MON1B: variants seen among roughly 807,000 people sequenced by gnomAD.
MON1B encodes the protein vacuolar fusion protein MON1 homolog B.
A neutral mutation model predicts 45.1 loss-of-function variants in MON1B; 26 were observed. That is an observed-to-expected ratio of 0.58 (90% CI 0.42 to 0.80). The LOEUF (loss-of-function observed/expected upper bound fraction) is 0.80. MON1B is among the 30% of genes least tolerant of loss of function. MON1B has a pLI of 0.00. For synonymous variants in MON1B, 395 were observed against 320.2 expected (o/e 1.23, Z -2.49); for missense variants, 737 against 754.5 (o/e 0.98, Z 0.27).
rs560375683 is a variant in MON1B at position 77,202,258 on chromosome 16, G to C, written c.*3950G>C. The C allele has an allele frequency of 2.0e-5, 3 of 152,252 alleles. No homozygotes were observed. The East Asian group carries it at 5.8e-4, about 29-fold the overall frequency. The allele number at this position is 152,252 out of a possible 1,614,324, so 9.4% of individuals were successfully genotyped here. A position where few individuals can be genotyped will look rare whatever the true frequency, so the allele number is the denominator to read the frequency against. ...ACACTGGAATAGTAAGGAGTAGTGG[G>C]TCAAGATGTCTGCAACTTATTGTTC... On this transcript the variant is annotated 3_prime_UTR_variant, in exon 6 of 6. Transcript: ENST00000248248.
At chr16:77,195,286 T>G in intron 4 of MON1B, 132 bp downstream of exon 4, 2 of 1,055,984 alleles carry the variant, frequency 1.9e-6, no homozygotes, top group Non-Finnish European at 2.7e-6. Flanking sequence ...CAAGTCTCTG[T>G]CTGATGATGG....
In MON1B at chr16:77,191,545, C is replaced by T; in HGVS notation, c.60C>T (p.Asp20=). Residue 20 remains aspartate (D), a synonymous_variant, in exon 2 of 6, where the codon GAC becomes GAT. Transcript: ENST00000248248. Reference sequence around the variant, plus strand: ...CCGGGGGCGCGGAGGACTTGGAGGACACGCAGTTCCCCAGTGAGGAAGCTA... The same window carrying T: ...CCGGGGGCGCGGAGGACTTGGAGGATACGCAGTTCCCCAGTGAGGAAGCTA... The part of the protein sequence containing the change: ...PAPGGAEDLE[D]TQFPSEEARE... 2 of 1,609,010 alleles carry T rather than the reference C, an allele frequency of 1.2e-6. No individual in the cohort carries two copies. The highest frequency in any genetic ancestry group is 2.2e-5 in the East Asian group (1 of 44,798).
chr16:77,191,412 C>T, intron 1 of MON1B, 64 bp from the exon 2 acceptor site: 1 of 1,579,682 alleles, frequency 6.3e-7, no homozygotes, highest in Non-Finnish European at 8.6e-7. Context: ...GGGGGCCTGA[C>T]TCTATAAAGG....
At position 77,199,270 on chromosome 16, in the gene MON1B, A is replaced by G. The variant is rs2054701455; in HGVS notation, c.*962A>G. On this transcript the variant is annotated 3_prime_UTR_variant, in exon 6 of 6. Coordinates refer to ENST00000248248, the MANE Select transcript of MON1B (RefSeq NM_014940.4). ...TGTGGAGTTACAGCCTCAAGGTTGT[A>G]GCATGTGTGCTGGCAATCAGGGCCG... 1 of 606,076 alleles carries G rather than the reference A, an allele frequency of 1.6e-6. No homozygotes were observed. Among genetic ancestry groups the G allele is most frequent in the South Asian group, 2.1e-5 (1 of 47,756 alleles). The allele number at this position is 606,076 out of a possible 1,614,324, so 37.5% of individuals were successfully genotyped here. A position where few individuals can be genotyped will look rare whatever the true frequency, so the allele number is the denominator to read the frequency against.
Position 77,199,348 on chromosome 16 carries a change from A to G in MON1B, c.*1040A>G. ...GACTCCTGATTTAACCGCTGGCGTA[A>G]CCGCGGGTTGCACGCATGCGTGCTG... On this transcript the variant is annotated 3_prime_UTR_variant, in exon 6 of 6. Transcript: ENST00000248248. The G allele has an allele frequency of 8.8e-7, 1 of 1,130,966 alleles. No homozygotes were observed. Among genetic ancestry groups the G allele is most frequent in the Non-Finnish European group, 1.3e-6 (1 of 782,234 alleles). The allele number at this position is 1,130,966 out of a possible 1,614,324, so 70.1% of individuals were successfully genotyped here.
Position 77,200,746 on chromosome 16 carries a change from C to CAAAAAAAA in MON1B, c.*2450_*2457dup, listed in dbSNP as rs11344903. The CAAAAAAAA allele has an allele frequency of 1.2e-4, 10 of 84,816 alleles. No individual in the cohort carries two copies. Among genetic ancestry groups the CAAAAAAAA allele is most frequent in the Non-Finnish European group, 1.4e-4 (6 of 42,832 alleles). The allele number at this position is 84,816 out of a possible 1,614,324, so 5.3% of individuals were successfully genotyped here. A position where few individuals can be genotyped will look rare whatever the true frequency, so the allele number is the denominator to read the frequency against. On this transcript the variant is annotated 3_prime_UTR_variant, in exon 6 of 6. Transcript: ENST00000248248. ...ACTCCAGCGCGGAAGACAGAGTGAG[C>CAAAAAAAA]AAAAAAAAAAAAAAAAAAAGAAAAA...
At position 77,199,385 on chromosome 16, in the gene MON1B, A is replaced by T. The variant is rs1166696545; in HGVS notation, c.*1077A>T. The T allele has an allele frequency of 6.7e-7, 1 of 1,494,834 alleles. No individual in the cohort carries two copies. The highest frequency in any genetic ancestry group is 1.4e-5 in the African/African-American group (1 of 71,338). 92.6% of individuals were successfully genotyped at this position (1,494,834 alleles called of 1,614,324 possible). ...ACGCATGCGTGCTGAAAAGCCTTTC[A>T]CCCTCACGTGGTTTCTTTTTTAACC... On this transcript the variant is annotated 3_prime_UTR_variant, in exon 6 of 6. Transcript: ENST00000248248.
In MON1B at chr16:77,200,297, C is replaced by CACAA. The variant is rs2054724855; in HGVS notation, c.*1991_*1992insAAAC. 1 of 64,242 alleles carries CACAA rather than the reference C, an allele frequency of 1.6e-5. No individual in the cohort carries two copies. Among genetic ancestry groups the CACAA allele is most frequent in the African/African-American group, 5.4e-5 (1 of 18,410 alleles). 4.0% of individuals were successfully genotyped at this position (64,242 alleles called of 1,614,324 possible). A position where few individuals can be genotyped will look rare whatever the true frequency, so the allele number is the denominator to read the frequency against. The stretch of plus-strand genomic sequence containing the variant: ...GTGTATATATATATATATATACACA[C>CACAA]ACTAATCAGCCGGGCGCGGTGGTGT... On this transcript the variant is annotated 3_prime_UTR_variant, in exon 6 of 6. Transcript: ENST00000248248.
rs1393475296 is a variant in MON1B, at chr16:77,200,228, G to GTT, written c.*1921_*1922insTT. 1 of 122,784 alleles carries GTT rather than the reference G, an allele frequency of 8.1e-6. No individual in the cohort carries two copies. Among genetic ancestry groups the GTT allele is most frequent in the Non-Finnish European group, 1.7e-5 (1 of 58,132 alleles). 7.6% of individuals were successfully genotyped at this position (122,784 alleles called of 1,614,324 possible). The stretch of plus-strand genomic sequence containing the variant: ...TGTATTTATATGTATGTATGTATGT[G>GTT]TGTGTATATATATATATATGTATAT... On this transcript the variant is annotated 3_prime_UTR_variant, in exon 6 of 6. Transcript: ENST00000248248.
chr16:77,197,191 T>A (rs551185711), intron 5 of MON1B, among the ~76,000 whole-genome samples: 2 of 151,616 alleles, frequency 1.3e-5, no homozygotes, highest in African/African-American at 4.8e-5. Flanking sequence ...AGGTCAGGAG[T>A]TCGAGACCAG....
chr16:77,198,480 C>A lies in MON1B; in HGVS notation c.*172C>A. On this transcript the variant is annotated 3_prime_UTR_variant, in exon 6 of 6. Transcript: ENST00000248248. ...GAGAGAGATGGTGGCAGCCGCCAGG[C>A]GAGCAGGCTGCTTTCCCTGCCCAGT... 1.4e-6 allele frequency: 1 copy of A among 703,714 alleles called. No homozygotes were observed. The highest frequency in any genetic ancestry group is 2.3e-6 in the Non-Finnish European group (1 of 426,100). The allele number at this position is 703,714 out of a possible 1,614,324, so 43.6% of individuals were successfully genotyped here.
chr16:77,197,649 C>T (rs532021164), intron 5 of MON1B, among the ~76,000 whole-genome samples: 2 of 152,008 alleles, frequency 1.3e-5, no homozygotes, highest in Non-Finnish European at 2.9e-5. Context: ...TGAAGGGGAG[C>T]GCTCTGGGAG....
At chr16:77,195,754 C>G (rs1355974303) in intron 5 of MON1B, 72 bp downstream of exon 5, 1 of 1,559,482 alleles carries the variant, frequency 6.4e-7, no homozygotes, top group Non-Finnish European at 8.8e-7. Flanking sequence ...GTATCCCCTC[C>G]AGCCACAGTG....
In MON1B at chr16:77,199,790, A is replaced by C. The variant is rs1364727998; in HGVS notation, c.*1482A>C. The C allele has an allele frequency of 3.1e-6, 1 of 318,448 alleles. No individual in the cohort carries two copies. Among genetic ancestry groups the C allele is most frequent in the Non-Finnish European group, 5.7e-6 (1 of 174,592 alleles). The allele number at this position is 318,448 out of a possible 1,614,324, so 19.7% of individuals were successfully genotyped here. A position where few individuals can be genotyped will look rare whatever the true frequency, so the allele number is the denominator to read the frequency against. ...GTTCAGTACGAAAGTCTTCAAACAAAAGTGGGGCGGTGGGGATGTTCTCAT... is the reference window on the plus strand; with the variant it reads ...GTTCAGTACGAAAGTCTTCAAACAACAGTGGGGCGGTGGGGATGTTCTCAT... On this transcript the variant is annotated 3_prime_UTR_variant, in exon 6 of 6. Transcript: ENST00000248248.
At chr16:77,191,324 G>GA in intron 1 of MON1B, 66 bp downstream of exon 1, 1 of 1,546,370 alleles carries the variant, frequency 6.5e-7, no homozygotes, top group Non-Finnish European at 8.8e-7. Flanking sequence ...TGTTGGAGGG[G>GA]GGACGTATTT....
rs986050458 is a variant in MON1B, at chr16:77,202,016, T to C, written c.*3708T>C. The C allele has an allele frequency of 6.6e-6, 1 of 152,092 alleles. No homozygotes were observed. Among genetic ancestry groups the C allele is most frequent in the African/African-American group, 2.4e-5 (1 of 41,382 alleles). 9.4% of individuals were successfully genotyped at this position (152,092 alleles called of 1,614,324 possible). A position where few individuals can be genotyped will look rare whatever the true frequency, so the allele number is the denominator to read the frequency against. On this transcript the variant is annotated 3_prime_UTR_variant, in exon 6 of 6. Coordinates refer to ENST00000248248, the MANE Select transcript of MON1B (RefSeq NM_014940.4). ...GGACAAGGAATTTGGATTTTGGGAG[T>C]AGTGCAGAGGTAGAGGCATTTTTGT...
intron 5 of MON1B, among the ~76,000 whole-genome samples, chr16:77,195,932 T>G (rs2054661413): frequency 6.6e-6 from 1 of 152,238 alleles, no homozygotes; most frequent in Non-Finnish European, 1.5e-5. Flanking sequence ...ACCAGGACAG[T>G]GTCTTTGACT....
rs2054692239 is a variant in MON1B, at chr16:77,198,547, C to T, written c.*239C>T. On this transcript the variant is annotated 3_prime_UTR_variant, in exon 6 of 6. Coordinates refer to ENST00000248248, the MANE Select transcript of MON1B (RefSeq NM_014940.4). ...TGGGGAAATCCTTAGGCCTCCCTCT[C>T]CCTTCCCTCTGTCTCATCTCCTCCA... 1 of 560,382 alleles carries T rather than the reference C, an allele frequency of 1.8e-6. No homozygotes were observed. The highest frequency in any genetic ancestry group is 3.2e-6 in the Non-Finnish European group (1 of 312,254). The allele number at this position is 560,382 out of a possible 1,614,324, so 34.7% of individuals were successfully genotyped here.
chr16:77,193,565 G>T lies in MON1B; in HGVS notation c.263G>T (p.Ser88Ile), dbSNP rs1180149569. The T allele has an allele frequency of 6.2e-7, 1 of 1,614,010 alleles. No individual in the cohort carries two copies. The highest frequency in any genetic ancestry group is 2.2e-5 in the East Asian group (1 of 44,878). Residue 88 changes from serine to isoleucine, a missense_variant, in exon 3 of 6, where the codon AGC (serine) becomes ATC (isoleucine). Physicochemically the swap from Ser to Ile is moderately radical, Grantham distance 142. Coordinates refer to ENST00000248248, the MANE Select transcript of MON1B (RefSeq NM_014940.4). This position sits in a 1 kb window ranked among gnomAD's most constrained non-coding sequence, Gnocchi z 5.0. The part of the protein sequence containing the change: ...PAAPENSPTC[S>I]PESSSGGQGG... The stretch of plus-strand genomic sequence containing the variant: ...GCCCCTGAGAATAGTCCCACATGTA[G>T]CCCTGAGAGTAGCTCTGGAGGCCAG...
Sources: allele counts gnomAD v4.1 joint callset (sites outside exome capture counted in the v4.1 genomes callset), GRCh38; gene constraint gnomAD v4.1.1; non-coding constraint Gnocchi (gnomAD v3.1); transcripts MANE v1.5; gene names NCBI Gene and HGNC (gene_info 2026-07-23, HGNC 2026-07-21).